Variants in PRELID2 observed in about 807,000 individuals in gnomAD.
PRELID2 encodes PRELI domain containing 2.
PRELID2 carries 25 observed loss-of-function variants against 28.4 expected under a neutral mutation model. The observed-to-expected ratio is 0.88, with a 90% CI of 0.64 to 1.23. The LOEUF is 1.23. PRELID2 is among the 50% of genes most tolerant of loss of function. The pLI, the probability that PRELID2 is intolerant of heterozygous loss-of-function variation, is 0.00. For synonymous variants in PRELID2, 76 were observed against 71.6 expected (o/e 1.06, Z -0.31); for missense variants, 201 against 214.4 (o/e 0.94, Z 0.39).
the PRELID2 span, among the ~76,000 whole-genome samples, chr5:145,450,096 C>A: frequency 1.1e-4 from 16 of 152,096 alleles, no homozygotes; most frequent in Non-Finnish European, 2.2e-4. Flanking sequence ...TGCGCCTGAG[C>A]AAAAGAACAT....
chr5:145,827,926 G>GT (rs1755303411), intron 1 of PRELID2, among the ~76,000 whole-genome samples: 2 of 152,302 alleles, frequency 1.3e-5, no homozygotes, highest in East Asian at 3.9e-4. Context: ...TAATAGCATT[G>GT]TATCAGTGTT....
At chr5:145,358,132 T>C in the PRELID2 span, among the ~76,000 whole-genome samples, 1 of 152,144 alleles carries the variant, frequency 6.6e-6, no homozygotes, top group African/African-American at 2.4e-5. Context: ...ATATCCTTGC[T>C]GAGTCGGCCC....
intron 1 of PRELID2, among the ~76,000 whole-genome samples, chr5:145,646,614 G>C (rs538054874): frequency 2.0e-5 from 3 of 152,136 alleles, no homozygotes; most frequent in Non-Finnish European, 4.4e-5. Flanking sequence ...GAAAAAAGCC[G>C]TTCTGGTTTT....
the PRELID2 span, among the ~76,000 whole-genome samples, chr5:145,368,848 C>T: frequency 6.6e-6 from 1 of 150,926 alleles, no homozygotes; most frequent in African/African-American, 2.4e-5. Flanking sequence ...GGTACATGTG[C>T]AGGTTTGTTT....
chr5:145,449,579 C>A, the PRELID2 span, among the ~76,000 whole-genome samples: 1 of 152,040 alleles, frequency 6.6e-6, no homozygotes, highest in African/African-American at 2.4e-5. Context: ...CTTTTGTGTG[C>A]AAAAATCGGA....
chr5:145,427,726 T>C, the PRELID2 span, among the ~76,000 whole-genome samples: 10 of 152,146 alleles, frequency 6.6e-5, no homozygotes, highest in Non-Finnish European at 1.3e-4. Flanking sequence ...TTTGTTGTGA[T>C]AAATGGTATA....
chr5:145,513,650 C>T (rs1029335638), intron 1 of PRELID2, among the ~76,000 whole-genome samples: 2 of 152,060 alleles, frequency 1.3e-5, no homozygotes, highest in Non-Finnish European at 2.9e-5. Flanking sequence ...GAGAACACCA[C>T]GAAGATACTC....
chr5:145,517,343 C>T (rs1470020794), intron 1 of PRELID2, among the ~76,000 whole-genome samples: 2 of 152,086 alleles, frequency 1.3e-5, no homozygotes, highest in East Asian at 1.9e-4. Context: ...TATGAACAGA[C>T]ACTTCTCGAA....
At chr5:145,593,269 C>T (rs1458247937) in intron 1 of PRELID2, among the ~76,000 whole-genome samples, 4 of 152,114 alleles carry the variant, frequency 2.6e-5, no homozygotes, top group African/African-American at 9.7e-5. Flanking sequence ...AAAATTGTGG[C>T]CCCTAAATAC....
At chr5:145,647,523 G>T (rs991685802) in intron 1 of PRELID2, among the ~76,000 whole-genome samples, 2 of 152,156 alleles carry the variant, frequency 1.3e-5, no homozygotes, top group Admixed American at 1.3e-4. Flanking sequence ...CTTTCCAGGG[G>T]AGTGAACGGT....
At chr5:145,358,878 T>A in the PRELID2 span, among the ~76,000 whole-genome samples, 1,397 of 152,304 alleles carry the variant, frequency 9.2e-3, 5 homozygotes, top group Non-Finnish European at 0.014. Context: ...GCTTTTAAAA[T>A]TTTCTTCAGA....
intron 1 of PRELID2, among the ~76,000 whole-genome samples, chr5:145,743,806 TC>T (rs1756910752): frequency 1.3e-5 from 2 of 152,142 alleles, no homozygotes; most frequent in Admixed American, 1.3e-4. Flanking sequence ...CCTACCCAGC[TC>T]CCAGGGGGAG....
the PRELID2 span, among the ~76,000 whole-genome samples, chr5:145,321,001 C>T: frequency 2.0e-5 from 3 of 152,126 alleles, 1 homozygote; most frequent in South Asian, 6.2e-4. Flanking sequence ...TTATTTACCC[C>T]ATTTTACATA....
chr5:145,299,766 G>A, the PRELID2 span, among the ~76,000 whole-genome samples: 2 of 151,826 alleles, frequency 1.3e-5, no homozygotes, highest in Non-Finnish European at 2.9e-5. Context: ...TTTCATTGGG[G>A]ACTGCAAAAT....
intron 1 of PRELID2, among the ~76,000 whole-genome samples, chr5:145,675,745 A>G (rs535492845): frequency 2.6e-4 from 40 of 152,336 alleles, no homozygotes; most frequent in Admixed American, 4.6e-4. Flanking sequence ...TAGAAAAAAA[A>G]TGTGACAAAT....
chr5:145,594,677 A>G (rs945864421), intron 1 of PRELID2, among the ~76,000 whole-genome samples: 1 of 152,236 alleles, frequency 6.6e-6, no homozygotes, highest in Non-Finnish European at 1.5e-5. Flanking sequence ...ATAATTCATC[A>G]AGTTAAAACT....
At chr5:145,815,246 C>G (rs1255360881) in intron 4 of PRELID2, among the ~76,000 whole-genome samples, 1 of 152,174 alleles carries the variant, frequency 6.6e-6, no homozygotes, top group Non-Finnish European at 1.5e-5. Context: ...AAGGCCAGTG[C>G]CTAGATGGTG....
chr5:145,634,045 C>A (rs1035622980), intron 1 of PRELID2, among the ~76,000 whole-genome samples: 2 of 152,134 alleles, frequency 1.3e-5, no homozygotes, highest in Admixed American at 1.3e-4. Context: ...CCACAGGCAA[C>A]CAAGTACATT....
At chr5:145,812,093 GT>G (rs765146103) in intron 4 of PRELID2, among the ~76,000 whole-genome samples, 10 of 152,128 alleles carry the variant, frequency 6.6e-5, no homozygotes, top group Non-Finnish European at 1.5e-4. Flanking sequence ...ACGCTGATTG[GT>G]CTGGGGGAGC....
Sources: gnomAD v4.1 joint callset for allele counts (sites outside exome capture counted in the v4.1 genomes callset) on GRCh38, gnomAD v4.1.1 for gene constraint, MANE v1.5 for transcripts, NCBI Gene and HGNC (gene_info 2026-07-23, HGNC 2026-07-21) for gene names.